Variants in TASP1 observed in about 807,000 individuals in gnomAD.
TASP1 encodes the protein taspase 1.
A neutral mutation model predicts 56.6 loss-of-function variants in TASP1; 16 were observed. That is an observed-to-expected ratio of 0.28 (90% CI 0.19 to 0.43). The LOEUF (loss-of-function observed/expected upper bound fraction) is 0.43. Among genes scored for constraint, TASP1 ranks in the 20% least tolerant of loss-of-function variants. The probability of loss-of-function intolerance (pLI) is 1.00; values close to 1 mark genes in which losing one functional copy is unlikely to be tolerated. For missense variants in TASP1, 393 were observed against 511.6 expected (o/e 0.77, Z 2.24); for synonymous variants, 179 against 184.2 (o/e 0.97, Z 0.23).
intron 11 of TASP1, among the ~76,000 whole-genome samples, chr20:13,450,561 C>A (rs1278005325): frequency 1.3e-5 from 2 of 152,096 alleles, no homozygotes; most frequent in African/African-American, 4.8e-5. Flanking sequence ...CTCAAGAAAT[C>A]ACTTTCTTTG....
At chr20:13,333,879 T>C in the TASP1 span, among the ~76,000 whole-genome samples, 1 of 152,236 alleles carries the variant, frequency 6.6e-6, no homozygotes, top group Non-Finnish European at 1.5e-5. Flanking sequence ...TCAATTATGA[T>C]ACTTCCAACT....
the TASP1 span, among the ~76,000 whole-genome samples, chr20:13,373,903 CCA>C: frequency 6.6e-6 from 1 of 152,030 alleles, no homozygotes; most frequent in East Asian, 1.9e-4. Context: ...TACGGGTGTT[CCA>C]CAGTTTCTCA....
At chr20:13,273,331 C>A in the TASP1 span, among the ~76,000 whole-genome samples, 3 of 151,714 alleles carry the variant, frequency 2.0e-5, no homozygotes, top group African/African-American at 7.3e-5. Flanking sequence ...AACTCCTGGG[C>A]TCAAGTGATC....
chr20:13,359,865 T>C, the TASP1 span, among the ~76,000 whole-genome samples: 1 of 151,876 alleles, frequency 6.6e-6, no homozygotes, highest in Admixed American at 6.6e-5. Flanking sequence ...AAGTATAAGA[T>C]ACCTCTACTC....
chr20:13,226,153 TAA>T, the TASP1 span, among the ~76,000 whole-genome samples: 15 of 149,908 alleles, frequency 1.0e-4, no homozygotes, highest in African/African-American at 3.7e-4. Flanking sequence ...TCGAATGTAG[TAA>T]AATGTCTTTG....
chr20:13,133,659 A>G, the TASP1 span, among the ~76,000 whole-genome samples: 1 of 152,112 alleles, frequency 6.6e-6, no homozygotes, highest in Non-Finnish European at 1.5e-5. Flanking sequence ...GCTTGAGCCC[A>G]GGAGGCGGAG....
chr20:13,300,449 T>C, the TASP1 span: 2 of 152,158 alleles, frequency 1.3e-5, no homozygotes, highest in Non-Finnish European at 2.9e-5. Context: ...TCTTAGTTTT[T>C]TATGTTTTAA....
At chr20:13,540,941 A>T (rs2045598549) in intron 8 of TASP1, among the ~76,000 whole-genome samples, 1 of 150,630 alleles carries the variant, frequency 6.6e-6, no homozygotes, top group Admixed American at 6.6e-5. Context: ...CATTCAAAAC[A>T]TCAGATCATG....
At chr20:13,446,010 T>C (rs996389939) in intron 11 of TASP1, among the ~76,000 whole-genome samples, 8 of 152,146 alleles carry the variant, frequency 5.3e-5, no homozygotes, top group South Asian at 2.1e-4. Flanking sequence ...AAGGTAAAAT[T>C]GGTGGTCTCA....
the TASP1 span, among the ~76,000 whole-genome samples, chr20:13,123,609 G>C: frequency 6.6e-6 from 1 of 152,146 alleles, no homozygotes; most frequent in Non-Finnish European, 1.5e-5. Context: ...TTCCCTCCAA[G>C]GGGACAGTTC....
chr20:13,474,240 C>T (rs756157897), intron 11 of TASP1, among the ~76,000 whole-genome samples: 23 of 152,110 alleles, frequency 1.5e-4, no homozygotes, highest in Non-Finnish European at 2.5e-4. Context: ...GTCACCTGAG[C>T]GGTATATACT....
chr20:13,347,768 G>T, the TASP1 span, among the ~76,000 whole-genome samples: 1 of 152,074 alleles, frequency 6.6e-6, no homozygotes, highest in African/African-American at 2.4e-5. Context: ...CTTGAATCCG[G>T]GGGGCAGAGG....
intron 8 of TASP1, among the ~76,000 whole-genome samples, chr20:13,540,647 G>A (rs1299116424): frequency 1.3e-5 from 2 of 152,154 alleles, no homozygotes; most frequent in Non-Finnish European, 2.9e-5. Context: ...AGAACATATA[G>A]ACTCCATTTT....
Position 13,534,251 on chromosome 20 carries a change from C to T in TASP1, c.676-110G>A, listed in dbSNP as rs935741520. The T allele has an allele frequency of 1.1e-4, 143 of 1,308,418 alleles. 1 individual carries two copies. In the East Asian group the frequency reaches 3.6e-3, roughly 33 times the overall value. 81.1% of individuals were successfully genotyped at this position (1,308,418 alleles called of 1,614,324 possible). ...ATGACAGAACAAAATCTAAACTAATCCCTAAGTGGAACATTGAGCAATCTC... is the reference window on the plus strand; with the variant it reads ...ATGACAGAACAAAATCTAAACTAATTCCTAAGTGGAACATTGAGCAATCTC... On this transcript the variant is annotated intron_variant, in intron 8 of 13. Transcript: ENST00000337743.
chr20:13,223,217 A>G, the TASP1 span, among the ~76,000 whole-genome samples: 2 of 150,814 alleles, frequency 1.3e-5, no homozygotes, highest in Admixed American at 6.6e-5. Context: ...ATAAAATGAA[A>G]TAAGCATTAT....
intron 4 of TASP1, 84 bp downstream of exon 4, chr20:13,623,362 T>G: frequency 8.7e-7 from 1 of 1,151,718 alleles, no homozygotes; most frequent in East Asian, 2.5e-5. Context: ...AATTTATGGT[T>G]GACTAACTCA....
chr20:13,345,896 T>A, the TASP1 span, among the ~76,000 whole-genome samples: 2 of 144,372 alleles, frequency 1.4e-5, no homozygotes, highest in East Asian at 4.0e-4. Flanking sequence ...GTGATAACAC[T>A]TAGCTTCCTC....
chr20:13,493,492 G>A (rs1245134971), intron 10 of TASP1, among the ~76,000 whole-genome samples: 1 of 152,104 alleles, frequency 6.6e-6, no homozygotes, highest in Non-Finnish European at 1.5e-5. Flanking sequence ...TGCTCCTCCT[G>A]CCCTTGGACA....
chr20:13,257,244 AT>A, the TASP1 span, among the ~76,000 whole-genome samples: 7 of 152,164 alleles, frequency 4.6e-5, no homozygotes, highest in African/African-American at 1.7e-4. Context: ...GCCAGGCTCG[AT>A]GGCTCATGCC....
Sources: allele counts gnomAD v4.1 joint callset (sites outside exome capture counted in the v4.1 genomes callset), GRCh38; gene constraint gnomAD v4.1.1; transcripts MANE v1.5; gene names NCBI Gene and HGNC (gene_info 2026-07-23, HGNC 2026-07-21).